The following EPB41L5 variants were observed in gnomAD, a reference collection of about 807,000 sequenced individuals.
The protein encoded by EPB41L5 is erythrocyte membrane protein band 4.1 like 5, also known as band 4.1-like protein 5.
In EPB41L5, 55 loss-of-function variants were observed where a neutral mutation model predicts 106.6. The observed-to-expected ratio is 0.52, with a 90% confidence interval of 0.42 to 0.65. The LOEUF (loss-of-function observed/expected upper bound fraction) is 0.65. EPB41L5 is among the 30% of genes least tolerant of loss of function. The pLI, the probability that EPB41L5 is intolerant of heterozygous loss-of-function variation, is 0.00. For missense variants in EPB41L5, 871 were observed against 882.1 expected, an observed-to-expected ratio of 0.99 and a Z score of 0.16; for synonymous variants, 297 against 306.7, an observed-to-expected ratio of 0.97 and a Z score of 0.33.
At chr2:120,041,841 T>C (rs1679425370) in intron 2 of EPB41L5, among the ~76,000 whole-genome samples, 165 bp from the exon 3 acceptor site, 1 of 152,214 alleles carries the variant, frequency 6.6e-6, no homozygotes, top group Non-Finnish European at 1.5e-5. Flanking sequence ...AAGTGATTTA[T>C]TAGAAAACTG....
At chr2:120,086,769 G>A (rs1295923864) in intron 10 of EPB41L5, among the ~76,000 whole-genome samples, 2 of 152,116 alleles carry the variant, frequency 1.3e-5, no homozygotes, top group African/African-American at 2.4e-5. Flanking sequence ...GAAAACCATC[G>A]TCAGTGTTTT....
intron 13 of EPB41L5, among the ~76,000 whole-genome samples, chr2:120,092,274 C>T (rs558590461): frequency 1.7e-4 from 26 of 152,134 alleles, no homozygotes; most frequent in African/African-American, 5.1e-4. Context: ...AGTGATCCAC[C>T]CACCTTGGCC....
At chr2:120,153,622 AT>A (rs1048666961) in intron 20 of EPB41L5, among the ~76,000 whole-genome samples, 1 of 151,998 alleles carries the variant, frequency 6.6e-6, no homozygotes, top group Non-Finnish European at 1.5e-5. Context: ...AGAATTGTCT[AT>A]TTTCCCCCCT....
intron 10 of EPB41L5, among the ~76,000 whole-genome samples, chr2:120,086,240 G>C (rs569592493): frequency 6.6e-6 from 1 of 152,202 alleles, no homozygotes; most frequent in Non-Finnish European, 1.5e-5. Flanking sequence ...TATTGTTTTA[G>C]TAAAGCTCTT....
chr2:120,097,261 G>C (rs905478032), intron 14 of EPB41L5, among the ~76,000 whole-genome samples: 1 of 152,088 alleles, frequency 6.6e-6, no homozygotes, highest in Non-Finnish European at 1.5e-5. Flanking sequence ...GAAGGTTATT[G>C]AGCACCACCC....
At chr2:120,109,991 C>T (rs1225641093) in intron 16 of EPB41L5, among the ~76,000 whole-genome samples, 2 of 152,194 alleles carry the variant, frequency 1.3e-5, no homozygotes, top group South Asian at 2.1e-4. Context: ...TGTCTTGTTC[C>T]GAAAAGATTA....
chr2:120,030,961 C>T (rs541595189), intron 2 of EPB41L5, among the ~76,000 whole-genome samples: 1 of 152,084 alleles, frequency 6.6e-6, no homozygotes, highest in African/African-American at 2.4e-5. Context: ...ACTGCAGCCT[C>T]TGCCTCCCGG....
At chr2:120,028,198 AT>A (rs1678471565) in intron 2 of EPB41L5, among the ~76,000 whole-genome samples, 1 of 151,158 alleles carries the variant, frequency 6.6e-6, no homozygotes. Context: ...GAATGCATTG[AT>A]TTTTGTGTAT....
chr2:120,073,072 C>T lies in EPB41L5; in HGVS notation c.286-106C>T, dbSNP rs990369092. 7 of 926,958 alleles carry T rather than the reference C, an allele frequency of 7.6e-6. No individual in the cohort carries two copies. In the African/African-American group the frequency reaches 1.0e-4, roughly 14 times the overall value. The allele number at this position is 926,958 out of a possible 1,614,324, so 57.4% of individuals were successfully genotyped here. A position where few individuals can be genotyped will look rare whatever the true frequency, so the allele number is the denominator to read the frequency against. On this transcript the variant is annotated intron_variant, in intron 3 of 24. Transcript: ENST00000263713. ...TGGGTTTTTCTCTTGTGAAGTATTTCCTTGCGGTTATCAGTGTAGGCACAA... is the reference window on the plus strand; with the variant it reads ...TGGGTTTTTCTCTTGTGAAGTATTTTCTTGCGGTTATCAGTGTAGGCACAA...
intron 16 of EPB41L5, among the ~76,000 whole-genome samples, chr2:120,125,996 C>T (rs1025183318): frequency 2.0e-5 from 3 of 152,120 alleles, no homozygotes; most frequent in Admixed American, 2.0e-4. Context: ...CTGATATCTG[C>T]CTTTGTCTTC....
chr2:120,176,135 A>G lies in EPB41L5; in HGVS notation c.*1228A>G, dbSNP rs767998389. 3 of 152,658 alleles carry G rather than the reference A, an allele frequency of 2.0e-5. No homozygotes were observed. The highest frequency in any genetic ancestry group is 4.4e-5 in the Non-Finnish European group (3 of 68,038). The allele number at this position is 152,658 out of a possible 1,614,324, so 9.5% of individuals were successfully genotyped here. On this transcript the variant is annotated 3_prime_UTR_variant, in exon 25 of 25. Transcript: ENST00000263713. ...TATAGCAATGTCCATCTGTAATTCT[A>G]ATACCCAGAAATAACGCTATTTAGC...
intron 24 of EPB41L5, among the ~76,000 whole-genome samples, chr2:120,172,601 T>C (rs1250352207): frequency 2.6e-5 from 4 of 152,214 alleles, no homozygotes; most frequent in Admixed American, 1.3e-4. Flanking sequence ...CCCTAAAATA[T>C]ATACTTTCCA....
chr2:120,081,733 A>G (rs1258423374), intron 10 of EPB41L5, among the ~76,000 whole-genome samples: 3 of 152,112 alleles, frequency 2.0e-5, no homozygotes, highest in African/African-American at 7.2e-5. Context: ...GATTCTTCCT[A>G]TCCATGAGCA....
intron 2 of EPB41L5, among the ~76,000 whole-genome samples, chr2:120,032,644 T>A (rs571569183): frequency 1.3e-5 from 2 of 152,332 alleles, no homozygotes; most frequent in African/African-American, 4.8e-5. Context: ...CCTTAGACTG[T>A]CAAGATTTCA....
chr2:120,175,492 T>G lies in EPB41L5; in HGVS notation c.*585T>G, dbSNP rs1055953478. ...ATAGAGAGTTTTTAAATGTCTCCCA[T>G]TCTTTTGATTTCTTACTGTACTGGC... On this transcript the variant is annotated 3_prime_UTR_variant, in exon 25 of 25. Transcript: ENST00000263713. 2.6e-5 allele frequency: 4 copies of G among 152,292 alleles called. No homozygotes were observed. The highest frequency in any genetic ancestry group is 7.2e-5 in the African/African-American group (3 of 41,388). 9.4% of individuals were successfully genotyped at this position (152,292 alleles called of 1,614,324 possible). A position where few individuals can be genotyped will look rare whatever the true frequency, so the allele number is the denominator to read the frequency against.
At chr2:120,077,191 TTTA>T (rs772524515) in intron 8 of EPB41L5, 35 bp from the exon 9 acceptor site, 1 of 1,584,044 alleles carries the variant, frequency 6.3e-7, no homozygotes, top group South Asian at 1.2e-5. Flanking sequence ...TTATTTTATA[TTTA>T]TTGTTACTTT....
At position 120,156,784 on chromosome 2, in the gene EPB41L5, G is replaced by A. The variant is rs571293540; in HGVS notation, c.1794-4097G>A. Among the ~76,000 whole-genome samples, 67 of 152,240 alleles carry A rather than the reference G, an allele frequency of 4.4e-4. 1 individual carries two copies. The highest frequency in any genetic ancestry group is 1.3e-3 in the African/African-American group (56 of 41,538). On this transcript the variant is annotated intron_variant, in intron 20 of 24. Coordinates refer to ENST00000263713, the MANE Select transcript of EPB41L5 (RefSeq NM_020909.4). ...ACCCAATACAGGAGCACCCAGACTC[G>A]GAAAGCAAGTTCTTAGAGACCTTCA...
At chr2:120,035,768 A>G (rs906563869) in intron 2 of EPB41L5, among the ~76,000 whole-genome samples, 1 of 152,208 alleles carries the variant, frequency 6.6e-6, no homozygotes, top group South Asian at 2.1e-4. Flanking sequence ...GAAGGAAGTT[A>G]AGATCACTCC....
At chr2:120,130,531 A>T (rs1272793392) in intron 17 of EPB41L5, among the ~76,000 whole-genome samples, 10 of 152,370 alleles carry the variant, frequency 6.6e-5, no homozygotes, top group Admixed American at 6.5e-4. Context: ...CAAAAAGAGT[A>T]TTCAGGATGG....
Sources: gnomAD v4.1 joint callset for allele counts (sites outside exome capture counted in the v4.1 genomes callset) on GRCh38, gnomAD v4.1.1 for gene constraint, MANE v1.5 for transcripts, NCBI Gene and HGNC (gene_info 2026-07-23, HGNC 2026-07-21) for gene names.